The following UGT3A1 variants were observed in gnomAD, a reference collection of about 807,000 sequenced individuals.
UGT3A1 encodes the protein UDP glycosyltransferase family 3 member A1.
In UGT3A1, 40 loss-of-function variants were observed where a neutral mutation model predicts 37.6. The observed-to-expected ratio is 1.06, with a 90% confidence interval of 0.83 to 1.38. The LOEUF (loss-of-function observed/expected upper bound fraction) is 1.38, where lower values mean the gene tolerates loss of function less well. Among genes scored for constraint, UGT3A1 ranks in the 40% most tolerant of loss-of-function variants. The probability of loss-of-function intolerance (pLI) is 0.00; values close to 1 mark genes in which losing one functional copy is unlikely to be tolerated. For missense variants in UGT3A1, 642 were observed against 634.2 expected (o/e 1.01, Z -0.13); for synonymous variants, 256 against 232.3 (o/e 1.10, Z -0.93).
chr5:35,988,050 T>C (rs544962583), intron 2 of UGT3A1, among the ~76,000 whole-genome samples: 1 of 152,274 alleles, frequency 6.6e-6, no homozygotes, highest in Admixed American at 6.5e-5. Flanking sequence ...AAATTTCAAG[T>C]CTCTCAAGAA....
chr5:35,955,350 C>T, intron 6 of UGT3A1: 4 of 565,772 alleles, frequency 7.1e-6, no homozygotes, highest in Non-Finnish European at 1.3e-5. Flanking sequence ...AAACCCCCCG[C>T]TTCAGTTGGA....
At chr5:35,989,787 T>C (rs1309841362) in intron 1 of UGT3A1, among the ~76,000 whole-genome samples, 2 of 152,194 alleles carry the variant, frequency 1.3e-5, no homozygotes, top group Non-Finnish European at 1.5e-5. Context: ...GTTGCTTCAC[T>C]GCTACTAACA....
rs904726532 is a variant in UGT3A1 at position 35,998,468 on chromosome 5, G to A, written c.-159-1139C>T. Among the ~76,000 whole-genome samples, 3 of 152,300 alleles carry A rather than the reference G, an allele frequency of 2.0e-5. No homozygotes were observed. The South Asian group carries it at 6.2e-4, about 32-fold the overall frequency. On this transcript the variant is annotated intron_variant, in intron 1 of 5. Transcript: ENST00000625798. ...CTGTCATCATACTCAAGATCTGTCA[G>A]CTGGTCAGCCTCTTATAAATTTTGG... is the stretch of plus-strand genomic sequence containing the variant.
intron 2 of UGT3A1, among the ~76,000 whole-genome samples, chr5:35,996,628 A>G (rs1308768166): frequency 6.6e-6 from 1 of 152,214 alleles, no homozygotes; most frequent in Non-Finnish European, 1.5e-5. Flanking sequence ...CATAATGCCC[A>G]TATCTCTTTT....
At chr5:35,992,329 G>C (rs1740976969), upstream of UGT3A1, among the ~76,000 whole-genome samples, 1 of 152,022 alleles carries the variant, frequency 6.6e-6, no homozygotes, top group Non-Finnish European at 1.5e-5. Context: ...GAGAGAGCCA[G>C]ACAGACAGAT....
chr5:35,984,850 C>G (rs1740665998), intron 2 of UGT3A1, among the ~76,000 whole-genome samples: 1 of 152,006 alleles, frequency 6.6e-6, no homozygotes, highest in African/African-American at 2.4e-5. Context: ...AGCGTAGGCA[C>G]TCAATAAATG....
chr5:35,982,013 C>A (rs1034360681), intron 2 of UGT3A1, among the ~76,000 whole-genome samples: 3 of 152,188 alleles, frequency 2.0e-5, no homozygotes, highest in African/African-American at 7.2e-5. Context: ...GGGTACAAGC[C>A]CCAAGACTTG....
intron 2 of UGT3A1, among the ~76,000 whole-genome samples, chr5:35,973,126 A>G (rs1208572770): frequency 6.6e-6 from 1 of 152,188 alleles, no homozygotes; most frequent in Non-Finnish European, 1.5e-5. Context: ...CTTTATCAGT[A>G]GAAGCAACTT....
At chr5:35,991,852 A>G (rs1740961726), upstream of UGT3A1, among the ~76,000 whole-genome samples, 1 of 152,194 alleles carries the variant, frequency 6.6e-6, no homozygotes, top group South Asian at 2.1e-4. Flanking sequence ...AGGAGCTAGT[A>G]GTGTTCTAAT....
intron 4 of UGT3A1, 41 bp from the exon 5 acceptor site, chr5:35,957,460 G>A: frequency 1.3e-6 from 2 of 1,536,284 alleles, no homozygotes; most frequent in Non-Finnish European, 9.0e-7. Flanking sequence ...GCAAAATTGA[G>A]AACGCCTAAG....
chr5:35,967,368 G>C (rs1472529997), intron 3 of UGT3A1, among the ~76,000 whole-genome samples: 1 of 152,212 alleles, frequency 6.6e-6, no homozygotes, highest in Non-Finnish European at 1.5e-5. Context: ...AATTAACTAA[G>C]AATGGCATGG....
chr5:35,970,433 T>C (rs945007805), intron 2 of UGT3A1, among the ~76,000 whole-genome samples: 10 of 150,258 alleles, frequency 6.7e-5, no homozygotes, highest in Admixed American at 6.0e-4. Flanking sequence ...ACTTATTCCC[T>C]ATCACAAGAA....
At chr5:35,995,065 G>C (rs1341421063), upstream of UGT3A1, among the ~76,000 whole-genome samples, 1 of 152,180 alleles carries the variant, frequency 6.6e-6, no homozygotes, top group African/African-American at 2.4e-5. Context: ...AGTAGCAAAA[G>C]GGAGGAAGAC....
intron 1 of UGT3A1, among the ~76,000 whole-genome samples, chr5:35,998,976 CCTGTAATCCCAG>C (rs1741158637): frequency 6.6e-6 from 1 of 152,112 alleles, no homozygotes; most frequent in South Asian, 2.1e-4. Context: ...GTGGCTCACG[CCTGTAATCCCAG>C]CACTTTCGGA....
At chr5:35,990,431 A>G (rs1413249879) in intron 1 of UGT3A1, among the ~76,000 whole-genome samples, 1 of 152,048 alleles carries the variant, frequency 6.6e-6, no homozygotes, top group Admixed American at 6.5e-5. Context: ...ATTCTCTTTC[A>G]TCTTCTACTT....
intron 4 of UGT3A1, chr5:35,962,668 T>G (rs1739635119): frequency 1.8e-6 from 1 of 553,498 alleles, no homozygotes. Flanking sequence ...AGGCCATTCG[T>G]CCTCACGCCT....
intron 2 of UGT3A1, among the ~76,000 whole-genome samples, chr5:35,984,842 C>T (rs1269211919): frequency 2.0e-5 from 3 of 152,012 alleles, no homozygotes; most frequent in Non-Finnish European, 4.4e-5. Flanking sequence ...CCCCTGACAG[C>T]GTAGGCACTC....
At chr5:35,990,741 GGTC>G (rs1740911722) in intron 1 of UGT3A1, among the ~76,000 whole-genome samples, 1 of 152,024 alleles carries the variant, frequency 6.6e-6, no homozygotes, top group Non-Finnish European at 1.5e-5. Context: ...GGCTGGAAAC[GGTC>G]ACCACCGTTT....
Position 35,954,521 on chromosome 5 carries a change from A to T in UGT3A1, c.1296-43T>A, listed in dbSNP as rs1277592952. 5.0e-6 allele frequency: 8 copies of T among 1,598,144 alleles called. No individual in the cohort carries two copies. The East Asian group carries it at 1.6e-4, about 31-fold the overall frequency. On this transcript the variant is annotated intron_variant, in intron 6 of 6. Coordinates refer to ENST00000274278, the MANE Select transcript of UGT3A1 (RefSeq NM_152404.4). ...GAGGGTGTGTTACTGACGTAGCCTC[A>T]CAAGTCTTACAGACTTTGTATTGCA...
Sources: allele counts gnomAD v4.1 joint callset (sites outside exome capture counted in the v4.1 genomes callset), GRCh38; gene constraint gnomAD v4.1.1; transcripts MANE v1.5; gene names NCBI Gene and HGNC (gene_info 2026-07-23, HGNC 2026-07-21).